The following DLG5 variants were observed in gnomAD, a reference collection of about 807,000 sequenced individuals.
The protein encoded by DLG5 is disks large homolog 5.
In DLG5, 48 loss-of-function variants were observed where a neutral mutation model predicts 189.8. The ratio of observed to expected loss-of-function variants is 0.25; its 90% CI spans 0.20 to 0.32. The LOEUF is 0.32. Ranked by LOEUF, DLG5 falls within the 10% of genes least tolerant of loss-of-function variation. DLG5 has a pLI of 1.00. For synonymous variants in DLG5, 1,016 were observed against 1,054.1 expected (o/e 0.96, Z 0.70); for missense variants, 2,160 against 2,544.7 (o/e 0.85, Z 3.25).
chr10:77,871,595 T>A (rs1844903995), intron 1 of DLG5, among the ~76,000 whole-genome samples: 2 of 131,958 alleles, frequency 1.5e-5, no homozygotes, highest in South Asian at 4.9e-4. Flanking sequence ...TGGGCTGGAG[T>A]GCAATGGCGC....
intron 13 of DLG5, 98 bp downstream of exon 13, chr10:77,828,784 A>G (rs1370059569): frequency 1.3e-5 from 15 of 1,180,516 alleles, no homozygotes; most frequent in Admixed American, 6.1e-5. Flanking sequence ...CACAACAAGG[A>G]AAATATAAAA....
chr10:77,886,329 T>C (rs1032348508), intron 1 of DLG5, among the ~76,000 whole-genome samples: 1 of 151,756 alleles, frequency 6.6e-6, no homozygotes, highest in Non-Finnish European at 1.5e-5. Context: ...CCAGAAATGC[T>C]TGCCCCCTTA....
chr10:77,888,316 G>C (rs1259504483), intron 1 of DLG5, among the ~76,000 whole-genome samples: 2 of 152,168 alleles, frequency 1.3e-5, no homozygotes, highest in East Asian at 3.8e-4. Flanking sequence ...GAAAGACCTT[G>C]GCTGGCTCTG....
In DLG5 at chr10:77,796,290, T is replaced by G; in HGVS notation, c.5309-102A>C. The G allele has an allele frequency of 6.3e-7, 1 of 1,597,042 alleles. No homozygotes were observed. The highest frequency in any genetic ancestry group is 8.6e-7 in the Non-Finnish European group (1 of 1,169,168). Reference sequence around the variant, plus strand: ...TGCTCAGCAGCTGTCAGTAACCCAGTCCTGCCATGCATGAATCTGACCCAT... The same window carrying G: ...TGCTCAGCAGCTGTCAGTAACCCAGGCCTGCCATGCATGAATCTGACCCAT... On this transcript the variant is annotated intron_variant, in intron 28 of 31. Transcript: ENST00000372391. This position sits in a 1 kb window ranked among gnomAD's most constrained non-coding sequence, Gnocchi z 5.2.
chr10:77,828,795 A>T (rs1248161474), intron 13 of DLG5, 87 bp downstream of exon 13: 1 of 1,300,200 alleles, frequency 7.7e-7, no homozygotes, highest in Non-Finnish European at 1.1e-6. Flanking sequence ...AAATATAAAA[A>T]CTTTGCTCAT....
chr10:77,833,225 A>G (rs1042186562), intron 9 of DLG5, among the ~76,000 whole-genome samples: 2 of 152,146 alleles, frequency 1.3e-5, no homozygotes, highest in African/African-American at 2.4e-5. Flanking sequence ...GAGTGTTTAA[A>G]TGACACCCTG....
chr10:77,876,970 T>C (rs2559655), intron 1 of DLG5, among the ~76,000 whole-genome samples: 38,311 of 151,152 alleles, frequency 0.25, 5,374 homozygotes, highest in Admixed American at 0.38. Flanking sequence ...TCAAGCAATC[T>C]GCTCGCCTCA....
At chr10:77,845,135 C>G (rs1225901489) in intron 5 of DLG5, 20 of 152,326 alleles carry the variant, frequency 1.3e-4, no homozygotes, top group Admixed American at 1.3e-3. Flanking sequence ...ATTTGGGGTG[C>G]TGTTATAGAG....
intron 18 of DLG5, 69 bp from the exon 19 acceptor site, chr10:77,817,165 C>T (rs1842101956): frequency 7.3e-7 from 1 of 1,370,004 alleles, no homozygotes; most frequent in African/African-American, 1.4e-5. Flanking sequence ...TCCTCTCCAC[C>T]AGGCTACCAG....
chr10:77,939,651 C>A, the DLG5 span, among the ~76,000 whole-genome samples: 1 of 152,140 alleles, frequency 6.6e-6, no homozygotes, highest in Non-Finnish European at 1.5e-5. Flanking sequence ...CAAGGCTGAC[C>A]CCTTTAAGCA....
chr10:77,917,830 C>T (rs191563200), intron 1 of DLG5, among the ~76,000 whole-genome samples: 1,725 of 151,608 alleles, frequency 0.011, 27 homozygotes, highest in African/African-American at 0.039. Context: ...AGTTCGAGAC[C>T]AGCCTGGCCA....
chr10:77,890,711 C>T (rs1211539240), intron 1 of DLG5, among the ~76,000 whole-genome samples: 2 of 152,174 alleles, frequency 1.3e-5, no homozygotes, highest in African/African-American at 2.4e-5. Context: ...TTATGCTTTA[C>T]ACTTGGATGT....
At chr10:77,937,041 T>C in the DLG5 span, among the ~76,000 whole-genome samples, 6 of 152,122 alleles carry the variant, frequency 3.9e-5, no homozygotes, top group Non-Finnish European at 7.3e-5. Flanking sequence ...CAATGCACAA[T>C]GCCTCATGCA....
Position 77,830,813 on chromosome 10 carries a change from G to A in DLG5, c.1809C>T (p.Ser603=), listed in dbSNP as rs1175692274. 32 of 1,614,068 alleles carry A rather than the reference G, an allele frequency of 2.0e-5. 1 individual carries two copies. Among genetic ancestry groups the A allele is most frequent in the Non-Finnish European group, 2.3e-5 (27 of 1,180,042 alleles). The change falls in exon 10 of 32, where the codon AGC becomes AGT. Residue 603 remains serine, a synonymous_variant. Coordinates refer to ENST00000372391, the MANE Select transcript of DLG5 (RefSeq NM_004747.4). ...EARFRQLMAH[S]SHDSAIDTDS... is the part of the protein sequence containing the mutation. Reference sequence around the variant, plus strand: ...CCGTGTCAATGGCCGAGTCGTGGGAGCTGTGGGCCATCAGCTGTCGGAACC... The same window carrying A: ...CCGTGTCAATGGCCGAGTCGTGGGAACTGTGGGCCATCAGCTGTCGGAACC...
At chr10:77,829,601 A>C in intron 11 of DLG5, 71 bp from the exon 12 acceptor site, 34 of 1,492,632 alleles carry the variant, frequency 2.3e-5, no homozygotes, top group Non-Finnish European at 2.7e-5. Flanking sequence ...CACAACTCTC[A>C]CTCAGGGGGC....
intron 1 of DLG5, among the ~76,000 whole-genome samples, chr10:77,907,211 G>A (rs1466912548): frequency 1.3e-5 from 2 of 152,080 alleles, no homozygotes; most frequent in Admixed American, 6.6e-5. Context: ...CAACCAACCC[G>A]CCCTGGATGT....
In DLG5 at chr10:77,821,071, C is replaced by T. The variant is rs1842322156; in HGVS notation, c.3402+11G>A. The T allele has an allele frequency of 6.3e-7, 1 of 1,593,524 alleles. No individual in the cohort carries two copies. The highest frequency in any genetic ancestry group is 8.6e-7 in the Non-Finnish European group (1 of 1,168,920). On this transcript the variant is annotated intron_variant, in intron 15 of 31. Coordinates refer to ENST00000372391, the MANE Select transcript of DLG5 (RefSeq NM_004747.4). ...GGCCTCCCCTCCCCACACCCTGGGG[C>T]TCAGCTATACCTCCAGGAACTGAGC... is the stretch of plus-strand genomic sequence containing the variant.
intron 13 of DLG5, 38 bp downstream of exon 13, chr10:77,828,844 G>T: frequency 6.3e-7 from 1 of 1,593,360 alleles, no homozygotes; most frequent in Non-Finnish European, 8.6e-7. Context: ...ATCTGCCTAT[G>T]CACGGCAGAT....
chr10:77,791,993 T>C lies in DLG5; in HGVS notation c.*447A>G, dbSNP rs1162404539. 5.9e-6 allele frequency: 1 copy of C among 169,342 alleles called. No individual in the cohort carries two copies. Among genetic ancestry groups the C allele is most frequent in the Non-Finnish European group, 1.3e-5 (1 of 78,672 alleles). 10.5% of individuals were successfully genotyped at this position (169,342 alleles called of 1,614,324 possible). A position where few individuals can be genotyped will look rare whatever the true frequency, so the allele number is the denominator to read the frequency against. On this transcript the variant is annotated 3_prime_UTR_variant, in exon 32 of 32. Coordinates refer to ENST00000372391, the MANE Select transcript of DLG5 (RefSeq NM_004747.4). ...CCCCCATTGAGGTTCCAAGGTCGTTTTGCTGAAGACGGGAACGAAACCAAC... is the reference window on the plus strand; with the variant it reads ...CCCCCATTGAGGTTCCAAGGTCGTTCTGCTGAAGACGGGAACGAAACCAAC...
Sources: allele counts gnomAD v4.1 joint callset (sites outside exome capture counted in the v4.1 genomes callset), GRCh38; gene constraint gnomAD v4.1.1; non-coding constraint Gnocchi (gnomAD v3.1); transcripts MANE v1.5; gene names NCBI Gene and HGNC (gene_info 2026-07-23, HGNC 2026-07-21).